Variants in STAB1 observed in about 807,000 individuals in gnomAD.
STAB1 encodes the protein stabilin-1.
STAB1 carries 250 observed loss-of-function variants against 332.4 expected under a neutral mutation model. That is an observed-to-expected ratio of 0.75 (90% CI 0.68 to 0.84). The LOEUF (loss-of-function observed/expected upper bound fraction) is 0.84, where lower values mean the gene tolerates loss of function less well. Ranked by LOEUF, STAB1 falls within the 40% of genes least tolerant of loss-of-function variation. The probability of loss-of-function intolerance (pLI) is 0.00; values close to 1 mark genes in which losing one functional copy is unlikely to be tolerated. For synonymous variants in STAB1, 1,475 were observed against 1,390.4 expected (o/e 1.06, Z -1.35); for missense variants, 3,249 against 3,489.7 (o/e 0.93, Z 1.74).
At position 52,514,684 on chromosome 3, in the gene STAB1, T is replaced by G. The variant is rs1283646231; in HGVS notation, c.3679-17T>G. ...GGGTGGTAGGTGGGTGGATTCAGCC[T>G]CCATCCCTCTCCCCAGCCTGAGGTG... On this transcript the variant is annotated splice_polypyrimidine_tract_variant and intron_variant, in intron 34 of 68. Transcript: ENST00000321725. 6 of 1,612,722 alleles carry G rather than the reference T, an allele frequency of 3.7e-6. No individual in the cohort carries two copies. In the African/African-American group the frequency reaches 4.0e-5, roughly 11 times the overall value.
intron 29 of STAB1, 38 bp downstream of exon 29, chr3:52,512,996 T>G (rs1345061254): frequency 1.3e-6 from 2 of 1,598,504 alleles, no homozygotes; most frequent in Non-Finnish European, 1.7e-6. Flanking sequence ...AGGGGCTTCC[T>G]TGAGGGACCC....
intron 19 of STAB1, 67 bp from the exon 20 acceptor site, chr3:52,507,864 G>A: frequency 6.5e-7 from 1 of 1,536,648 alleles, no homozygotes; most frequent in Middle Eastern, 1.7e-4. Context: ...CCTTAACCAG[G>A]GCTGCCTAGC....
Position 52,506,771 on chromosome 3 carries a change from T to C in STAB1, c.1910T>C (p.Leu637Pro). Reference protein sequence around the residue: ...VMAANGVIHMLDGILLPPTIL... With the variant: ...VMAANGVIHMPDGILLPPTIL... ...GCCGCCAATGGTGTGATCCACATGC[T>C]GGACGGCATCCTGCTGCCCCCGACC... The change falls in exon 18 of 69, where the codon CTG (leucine) becomes CCG (proline). Residue 637 changes from leucine (L) to proline (P), a missense_variant. Transcript: ENST00000321725. 1 of 1,612,848 alleles carries C rather than the reference T, an allele frequency of 6.2e-7. No individual in the cohort carries two copies. The highest frequency in any genetic ancestry group is 8.5e-7 in the Non-Finnish European group (1 of 1,179,646).
Position 52,522,236 on chromosome 3 carries a change from C to T in STAB1, c.6465+6C>T. The T allele has an allele frequency of 1.2e-6, 2 of 1,612,218 alleles. No individual in the cohort carries two copies. Among genetic ancestry groups the T allele is most frequent in the Non-Finnish European group, 1.7e-6 (2 of 1,179,588 alleles). ...ACTGCTTGAGCACCGGCCTGGTGAG[C>T]AGGTGGGGGAACCGAGTAGCCAGGG... is the stretch of plus-strand genomic sequence containing the variant. On this transcript the variant is annotated splice_donor_region_variant and intron_variant, in intron 59 of 68. Coordinates refer to ENST00000321725, the MANE Select transcript of STAB1 (RefSeq NM_015136.3).
chr3:52,519,356 G>C lies in STAB1; in HGVS notation c.5127G>C (p.Leu1709=). The change falls in exon 49 of 69, where the codon CTG becomes CTC. Residue 1709 remains leucine, a synonymous_variant. Coordinates refer to ENST00000321725, the MANE Select transcript of STAB1 (RefSeq NM_015136.3). ...TGCACTTCATTGACCGTGTCCTGCT[G>C]CCCCCCGAGGCGCTGCACTGGGAGC... ...GILHFIDRVL[L]PPEALHWEPD... The C allele has an allele frequency of 6.2e-7, 1 of 1,613,092 alleles. No homozygotes were observed. Among genetic ancestry groups the C allele is most frequent in the Non-Finnish European group, 8.5e-7 (1 of 1,179,990 alleles).
At chr3:52,501,538 C>A in intron 2 of STAB1, 100 bp from the exon 3 acceptor site, 2 of 1,206,960 alleles carry the variant, frequency 1.7e-6, no homozygotes, top group Non-Finnish European at 2.4e-6. Context: ...CCAGGCAGAG[C>A]AGGGAGGTGG....
At chr3:52,513,632 C>G in intron 30 of STAB1, 85 bp from the exon 31 acceptor site, 1 of 1,393,960 alleles carries the variant, frequency 7.2e-7, no homozygotes, top group Non-Finnish European at 9.8e-7. Context: ...TGCCTGTGTG[C>G]CTGGCAGTCT....
intron 13 of STAB1, 44 bp from the exon 14 acceptor site, chr3:52,505,275 C>G (rs763771013): frequency 6.2e-7 from 1 of 1,610,976 alleles, no homozygotes; most frequent in Non-Finnish European, 8.5e-7. Flanking sequence ...GCTGAAGCAG[C>G]CTCACCCCTT....
Position 52,517,017 on chromosome 3 carries a change from G to A in STAB1, c.4397G>A (p.Cys1466Tyr). 7.5e-6 allele frequency: 12 copies of A among 1,608,772 alleles called. No individual in the cohort carries two copies. Among genetic ancestry groups the A allele is most frequent in the African/African-American group, 1.3e-5 (1 of 74,892 alleles). The change falls in exon 42 of 69, where the codon TGC (cysteine) becomes TAC (tyrosine). Residue 1466 changes from cysteine to tyrosine, a missense_variant. Transcript: ENST00000321725. Reference protein sequence around the residue: ...VDPCAHGHGGCSPHANCTKVA... With the variant: ...VDPCAHGHGGYSPHANCTKVA... ...CCCTGCGCCCACGGCCATGGGGGCT[G>A]CTCCCCTCATGCCAACTGTACCAAG... is the stretch of plus-strand genomic sequence containing the variant.
intron 36 of STAB1, 123 bp from the exon 37 acceptor site, chr3:52,515,300 C>G (rs2078823336): frequency 9.9e-7 from 1 of 1,014,816 alleles, no homozygotes; most frequent in South Asian, 1.4e-5. Flanking sequence ...TGGTCCCTCT[C>G]TGACCCTTCT....
Position 52,503,900 on chromosome 3 carries a change from C to T in STAB1, c.1020C>T (p.Thr340=), listed in dbSNP as rs143419736. 101 of 1,613,108 alleles carry T rather than the reference C, an allele frequency of 6.3e-5. No homozygotes were observed. The highest frequency in any genetic ancestry group is 8.3e-5 in the Non-Finnish European group (98 of 1,179,996). ...GCCAGGTGACCGCTGATGGGAAGAC[C>T]AGGTGAGCACAGGTGCCTGGGAGCA... is the stretch of plus-strand genomic sequence containing the variant. ...ATCQVTADGK[T]SCVCRESEVG... is the part of the protein sequence containing the mutation. Residue 340 remains threonine, a splice_region_variant and synonymous_variant, in exon 9 of 69, where the codon ACC becomes ACT. Coordinates refer to ENST00000321725, the MANE Select transcript of STAB1 (RefSeq NM_015136.3).
rs142155311 is a variant in STAB1 at position 52,503,780 on chromosome 3, C to T, written c.900C>T (p.Cys300=). ...GCCCTGTCGGGGGCCAGGCCTTCTG[C>T]ACCTGCCGGCCAGGCCTGGTCAGCA... ...CVYQKPGQAF[C]TCRPGLVSIN... The change falls in exon 9 of 69, where the codon TGC becomes TGT. Residue 300 remains cysteine (C), a synonymous_variant. Coordinates refer to ENST00000321725, the MANE Select transcript of STAB1 (RefSeq NM_015136.3). 273 of 1,613,114 alleles carry T rather than the reference C, an allele frequency of 1.7e-4. No individual in the cohort carries two copies. The African/African-American group carries it at 3.3e-3, about 19-fold the overall frequency.
chr3:52,523,322 A>C lies in STAB1; in HGVS notation c.7121A>C (p.Glu2374Ala), dbSNP rs1350772071. 6.2e-7 allele frequency: 1 copy of C among 1,611,098 alleles called. No homozygotes were observed. Among genetic ancestry groups the C allele is most frequent in the South Asian group, 1.1e-5 (1 of 91,088 alleles). ...AAGACACTCTTCGTCCCTGTCAATGAAGGCTTTGTGGACAACATGGTAACC... is the reference window on the plus strand; with the variant it reads ...AAGACACTCTTCGTCCCTGTCAATGCAGGCTTTGTGGACAACATGGTAACC... ...TYKTLFVPVNEGFVDNMTLSG... is the reference protein window; with the variant it reads ...TYKTLFVPVNAGFVDNMTLSG... Residue 2374 changes from glutamate to alanine, a missense_variant, in exon 64 of 69, where the codon GAA becomes GCA. By Grantham distance (107) the Glu-to-Ala change is moderately radical. Coordinates refer to ENST00000321725, the MANE Select transcript of STAB1 (RefSeq NM_015136.3).
At position 52,501,186 on chromosome 3, in the gene STAB1, T is replaced by G. The variant is rs990112728; in HGVS notation, c.99T>G (p.Asp33Glu). 1.2e-5 allele frequency: 20 copies of G among 1,613,574 alleles called. No individual in the cohort carries two copies. The highest frequency in any genetic ancestry group is 1.6e-5 in the Non-Finnish European group (19 of 1,179,874). Residue 33 changes from aspartate to glutamate, a missense_variant, in exon 2 of 69, where the codon GAT (aspartate) becomes GAG (glutamate). Transcript: ENST00000321725. Reference sequence around the variant, plus strand: ...CCCAGGTGCTGTTCAAAGGCTGTGATGTGAAAACCACGTTTGTCACTCATG... The same window carrying G: ...CCCAGGTGCTGTTCAAAGGCTGTGAGGTGAAAACCACGTTTGTCACTCATG... ...VRGQVLFKGC[D>E]VKTTFVTHVP... is the part of the protein sequence containing the mutation.
In STAB1 at chr3:52,520,809, C is replaced by G. The variant is rs752503782; in HGVS notation, c.5712C>G (p.Ser1904Arg). The change falls in exon 55 of 69, where the codon AGC becomes AGG. Residue 1904 changes from serine (S) to arginine (R), a missense_variant. Transcript: ENST00000321725. Reference protein sequence around the residue: ...PCPEGSQEQGSPEACWRFYPK... With the variant: ...PCPEGSQEQGRPEACWRFYPK... ...GCCTGACTCCTTTGGCCCAGGGCAG[C>G]CCTGAGGCCTGCTGGCGCTTCTACC... is the stretch of plus-strand genomic sequence containing the variant. The G allele has an allele frequency of 4.3e-6, 7 of 1,612,810 alleles. No homozygotes were observed. Among genetic ancestry groups the G allele is most frequent in the Non-Finnish European group, 5.1e-6 (6 of 1,180,022 alleles).
chr3:52,506,353 A>G, intron 17 of STAB1, 103 bp downstream of exon 17: 1 of 1,076,080 alleles, frequency 9.3e-7, no homozygotes, highest in Non-Finnish European at 1.4e-6. Flanking sequence ...TGGGCAGGAC[A>G]CTGCTAGGCC....
At chr3:52,518,692 G>A (rs1559712899) in intron 47 of STAB1, 31 bp from the exon 48 acceptor site, 1 of 1,612,018 alleles carries the variant, frequency 6.2e-7, no homozygotes, top group Non-Finnish European at 8.5e-7. Context: ...CGGCAGTCAG[G>A]GACCCCACTC....
At chr3:52,517,792 A>AGG in intron 44 of STAB1, 89 bp from the exon 45 acceptor site, 1 of 1,596,110 alleles carries the variant, frequency 6.3e-7, no homozygotes, top group Non-Finnish European at 8.5e-7. Context: ...GGGGCTGAGC[A>AGG]GGGGCCTTCA....
chr3:52,499,898 CAA>C (rs4045133), intron 1 of STAB1, among the ~76,000 whole-genome samples: 909 of 36,974 alleles, frequency 0.025, 8 homozygotes, highest in African/African-American at 0.11. Flanking sequence ...GACTCCATCT[CAA>C]AAAAAAAAAA....
Sources: gnomAD v4.1 joint callset for allele counts (sites outside exome capture counted in the v4.1 genomes callset) on GRCh38, gnomAD v4.1.1 for gene constraint, MANE v1.5 for transcripts, NCBI Gene and HGNC (gene_info 2026-07-23, HGNC 2026-07-21) for gene names.